Variants in PCDHGA4 observed in about 807,000 individuals in gnomAD.
PCDHGA4 encodes protocadherin gamma subfamily A, 4.
Under a neutral mutation model 54.6 loss-of-function variants are expected in PCDHGA4, and 38 were observed. The observed-to-expected ratio is 0.70, with a 90% CI of 0.54 to 0.91. The LOEUF is 0.91. Among genes scored for constraint, PCDHGA4 ranks in the 40% least tolerant of loss-of-function variants. PCDHGA4 has a pLI of 0.00. For missense variants in PCDHGA4, 1,298 were observed against 1,220.9 expected (o/e 1.06, Z -0.94); for synonymous variants, 511 against 512.9 (o/e 1.00, Z 0.05).
Position 141,484,647 on chromosome 5 carries a change from G to A in PCDHGA4, c.2515-10160G>A, listed in dbSNP as rs556711906. Among the ~76,000 whole-genome samples, 104 of 152,066 alleles carry A rather than the reference G, an allele frequency of 6.8e-4. 3 individuals carry two copies. Among genetic ancestry groups the A allele is most frequent in the East Asian group, 1.2e-3 (6 of 5,166 alleles). ...TGAACAAAGTGACCACTCTCCAATG[G>A]CTACTCTCCCTCTCAGTGGGCCGCA... On this transcript the variant is annotated intron_variant, in intron 1 of 3. Transcript: ENST00000571252.
intron 1 of PCDHGA4, chr5:141,415,199 T>C (rs761532551): frequency 1.7e-5 from 28 of 1,613,880 alleles, no homozygotes; most frequent in Non-Finnish European, 2.4e-5. Flanking sequence ...ATCCCCCAAG[T>C]CCTGGCGGAC....
At chr5:141,372,721 C>CA in intron 1 of PCDHGA4, 1 of 1,613,832 alleles carries the variant, frequency 6.2e-7, no homozygotes, top group Non-Finnish European at 8.5e-7. Flanking sequence ...GAAAATGCTG[C>CA]ACCACAAGAT....
At chr5:141,466,180 A>AT (rs922532578) in intron 1 of PCDHGA4, among the ~76,000 whole-genome samples, 11 of 151,256 alleles carry the variant, frequency 7.3e-5, no homozygotes, top group South Asian at 2.1e-4. Context: ...TTTTATTTTT[A>AT]TTTTTTTTCA....
intron 1 of PCDHGA4, among the ~76,000 whole-genome samples, chr5:141,373,441 T>C (rs1232465888): frequency 2.0e-5 from 3 of 152,218 alleles, no homozygotes; most frequent in African/African-American, 7.2e-5. Flanking sequence ...GAGGATCCCT[T>C]GATCCCAGGA....
chr5:141,357,046 C>T lies in PCDHGA4; in HGVS notation c.1939C>T (p.Leu647=). Residue 647 remains leucine, a synonymous_variant, in exon 1 of 4, where the codon CTA becomes TTA. Coordinates refer to ENST00000571252, the MANE Select transcript of PCDHGA4 (RefSeq NM_018917.4). ...YSLLKSSEPG[L]FAVGLHTGEV... The stretch of plus-strand genomic sequence containing the variant: ...CCTACTCAAGTCCAGCGAGCCGGGA[C>T]TATTTGCAGTGGGGCTGCACACAGG... 6.2e-7 allele frequency: 1 copy of T among 1,614,054 alleles called. No individual in the cohort carries two copies. Among genetic ancestry groups the T allele is most frequent in the Non-Finnish European group, 8.5e-7 (1 of 1,179,984 alleles).
chr5:141,418,345 T>C, intron 1 of PCDHGA4: 1 of 1,614,000 alleles, frequency 6.2e-7, no homozygotes, highest in Non-Finnish European at 8.5e-7. Context: ...ATCCTGATAT[T>C]AGTATGAATT....
chr5:141,372,928 T>C, intron 1 of PCDHGA4: 1 of 925,756 alleles, frequency 1.1e-6, no homozygotes, highest in Non-Finnish European at 1.6e-6. Context: ...GATTTTCTGG[T>C]GTAGAGTAGG....
chr5:141,433,365 A>G (rs1347170890), intron 1 of PCDHGA4: 7 of 523,718 alleles, frequency 1.3e-5, no homozygotes, highest in Non-Finnish European at 2.4e-5. Context: ...CTGCCTATCT[A>G]TCTATCTATC....
chr5:141,470,915 C>A (rs2099244061), intron 1 of PCDHGA4, among the ~76,000 whole-genome samples: 1 of 152,010 alleles, frequency 6.6e-6, no homozygotes, highest in Non-Finnish European at 1.5e-5. Flanking sequence ...GGGACTGTCC[C>A]TATGTTGCTC....
chr5:141,359,342 G>A (rs1479136491), intron 1 of PCDHGA4, among the ~76,000 whole-genome samples: 1 of 152,012 alleles, frequency 6.6e-6, no homozygotes, highest in Non-Finnish European at 1.5e-5. Flanking sequence ...GAATGAGAGT[G>A]CCACATGTTT....
chr5:141,466,812 G>T (rs1394979761), intron 1 of PCDHGA4, among the ~76,000 whole-genome samples: 1 of 151,940 alleles, frequency 6.6e-6, no homozygotes, highest in African/African-American at 2.4e-5. Flanking sequence ...ATTCAGACAT[G>T]GTATAACAAG....
rs562479827 is a variant in PCDHGA4, at chr5:141,430,802, C to A, written c.2515-64005C>A. The A allele has an allele frequency of 1.2e-5, 18 of 1,524,776 alleles. No homozygotes were observed. The East Asian group carries it at 3.9e-4, about 33-fold the overall frequency. The allele number at this position is 1,524,776 out of a possible 1,614,324, so 94.5% of individuals were successfully genotyped here. On this transcript the variant is annotated intron_variant, in intron 1 of 3. Coordinates refer to ENST00000571252, the MANE Select transcript of PCDHGA4 (RefSeq NM_018917.4). ...GCACCGGGACTACAAAGGGCTTGTC[C>A]TGCTGGGAATCCTCCTGGGGACTCT... is the stretch of plus-strand genomic sequence containing the variant.
At chr5:141,369,467 G>T (rs1766263105) in intron 1 of PCDHGA4, among the ~76,000 whole-genome samples, 1 of 152,022 alleles carries the variant, frequency 6.6e-6, no homozygotes, top group South Asian at 2.1e-4. Context: ...AGGTGTTCTA[G>T]CCCAGCCTGG....
rs781591902 is a variant in PCDHGA4, at chr5:141,477,086, G to A, written c.2515-17721G>A. The A allele has an allele frequency of 1.1e-5, 18 of 1,614,128 alleles. No individual in the cohort carries two copies. In the East Asian group the frequency reaches 3.8e-4, roughly 34 times the overall value. The stretch of plus-strand genomic sequence containing the variant: ...CAAACTCCATGAGATTTACATCCAG[G>A]CCAAAGACAAGGGCGCCAATCCCGA... On this transcript the variant is annotated intron_variant, in intron 1 of 3. Coordinates refer to ENST00000571252, the MANE Select transcript of PCDHGA4 (RefSeq NM_018917.4). The surrounding 1 kb of genome is among the most constrained non-coding windows in gnomAD (Gnocchi z 4.9).
chr5:141,417,232 G>C (rs997894028), intron 1 of PCDHGA4: 5 of 152,072 alleles, frequency 3.3e-5, no homozygotes, highest in Non-Finnish European at 7.4e-5. Flanking sequence ...AAAATTTGTT[G>C]CTTATCTTCA....
intron 1 of PCDHGA4, among the ~76,000 whole-genome samples, chr5:141,381,193 T>C (rs1052848234): frequency 2.6e-5 from 4 of 152,260 alleles, no homozygotes; most frequent in African/African-American, 9.6e-5. Context: ...TAAGCTTTCT[T>C]AGTGTTAGTT....
At chr5:141,496,733 C>T (rs1221912777) in intron 2 of PCDHGA4, among the ~76,000 whole-genome samples, 12 of 152,138 alleles carry the variant, frequency 7.9e-5, no homozygotes, top group African/African-American at 9.7e-5. Context: ...TGTATTCATT[C>T]GTTCATTTAT....
intron 1 of PCDHGA4, chr5:141,439,807 G>A (rs2098132839): frequency 6.6e-6 from 1 of 152,336 alleles, no homozygotes; most frequent in African/African-American, 2.4e-5. Context: ...AGTTTGAAAA[G>A]GGGCTTATTT....
chr5:141,358,889 AT>A (rs1561517339), intron 1 of PCDHGA4, among the ~76,000 whole-genome samples: 2 of 152,198 alleles, frequency 1.3e-5, no homozygotes, highest in African/African-American at 4.8e-5. Context: ...CTCTGGGATT[AT>A]TTTATATGAG....
Sources: allele counts gnomAD v4.1 joint callset (sites outside exome capture counted in the v4.1 genomes callset), GRCh38; gene constraint gnomAD v4.1.1; non-coding constraint Gnocchi (gnomAD v3.1); transcripts MANE v1.5; gene names NCBI Gene and HGNC (gene_info 2026-07-23, HGNC 2026-07-21).